TSHZ3: variants seen among roughly 807,000 people sequenced by gnomAD.
TSHZ3 encodes teashirt zinc finger homeobox 3, also known as teashirt homolog 3.
TSHZ3 carries 10 observed loss-of-function variants against 64.5 expected under a neutral mutation model. The ratio of observed to expected loss-of-function variants is 0.16; its 90% CI spans 0.10 to 0.26. The LOEUF (loss-of-function observed/expected upper bound fraction) is 0.26, where lower values mean the gene tolerates loss of function less well. Ranked by LOEUF, TSHZ3 falls within the 10% of genes least tolerant of loss-of-function variation. TSHZ3 has a pLI of 1.00. For missense variants in TSHZ3, 1,242 were observed against 1,421.7 expected, an observed-to-expected ratio of 0.87 and a Z score of 2.03; for synonymous variants, 608 against 593.1, an observed-to-expected ratio of 1.03 and a Z score of -0.36.
At chr19:31,282,829 T>C (rs1374021275) in intron 1 of TSHZ3, among the ~76,000 whole-genome samples, 1 of 152,210 alleles carries the variant, frequency 6.6e-6, no homozygotes, top group Admixed American at 6.5e-5. Context: ...CAAGCAGAAC[T>C]GGGTCCTGGA....
chr19:31,206,861 A>G (rs1272389802), intron 4 of TSHZ3, among the ~76,000 whole-genome samples: 7 of 152,214 alleles, frequency 4.6e-5, no homozygotes, highest in African/African-American at 1.4e-4. Flanking sequence ...ATTGAATTCC[A>G]GGGGCCTGAA....
chr19:31,198,254 A>G (rs1165642507), intron 5 of TSHZ3, among the ~76,000 whole-genome samples: 1 of 152,148 alleles, frequency 6.6e-6, no homozygotes, highest in Admixed American at 6.5e-5. Context: ...AACATCACTT[A>G]TGATAAAAAC....
At chr19:31,179,770 G>T (rs1045487264) in intron 5 of TSHZ3, among the ~76,000 whole-genome samples, 2 of 150,552 alleles carry the variant, frequency 1.3e-5, no homozygotes, top group African/African-American at 2.4e-5. Context: ...GATGGTGGGG[G>T]TGATGATAAT....
At chr19:31,228,351 C>T (rs79518315) in intron 3 of TSHZ3, among the ~76,000 whole-genome samples, 2,591 of 151,890 alleles carry the variant, frequency 0.017, 72 homozygotes, top group African/African-American at 0.058. Context: ...CATAGTGAAA[C>T]CCTATGTCTA....
chr19:31,259,989 T>C (rs1975964525), intron 1 of TSHZ3, among the ~76,000 whole-genome samples: 1 of 152,118 alleles, frequency 6.6e-6, no homozygotes, highest in Admixed American at 6.5e-5. Flanking sequence ...CAACTTGACT[T>C]TTCATCACTA....
intron 1 of TSHZ3, among the ~76,000 whole-genome samples, chr19:31,256,577 T>C (rs1041458282): frequency 6.6e-5 from 10 of 152,040 alleles, no homozygotes; most frequent in African/African-American, 2.4e-4. Flanking sequence ...ATGTACAGAG[T>C]ATGTTCATTC....
At chr19:31,158,270 G>A (rs1301540306) in intron 5 of TSHZ3, among the ~76,000 whole-genome samples, 1 of 152,088 alleles carries the variant, frequency 6.6e-6, no homozygotes, top group East Asian at 1.9e-4. Context: ...AAGGACAATA[G>A]AGAAAAAAAT....
chr19:31,253,447 G>A (rs563495860), intron 1 of TSHZ3, among the ~76,000 whole-genome samples: 3 of 152,308 alleles, frequency 2.0e-5, no homozygotes, highest in South Asian at 4.1e-4. Context: ...TCAACTGTGT[G>A]CCCCTCCACA....
chr19:31,196,043 G>T (rs1974987279), intron 5 of TSHZ3, among the ~76,000 whole-genome samples: 1 of 151,722 alleles, frequency 6.6e-6, no homozygotes, highest in Non-Finnish European at 1.5e-5. Flanking sequence ...ATAATATTAT[G>T]GTTGACCAAA....
chr19:31,230,016 T>C (rs1276732592), intron 3 of TSHZ3, among the ~76,000 whole-genome samples: 10 of 152,192 alleles, frequency 6.6e-5, no homozygotes, highest in African/African-American at 2.2e-4. Context: ...ATATGTGTAG[T>C]TCATTTACCC....
At chr19:31,204,071 T>C (rs757277507) in intron 5 of TSHZ3, among the ~76,000 whole-genome samples, 1 of 151,972 alleles carries the variant, frequency 6.6e-6, no homozygotes, top group Non-Finnish European at 1.5e-5. Context: ...CACAAAACCG[T>C]CAGATCTCCT....
chr19:31,183,965 A>T (rs1396258288), intron 5 of TSHZ3, among the ~76,000 whole-genome samples: 1 of 152,184 alleles, frequency 6.6e-6, no homozygotes, highest in African/African-American at 2.4e-5. Flanking sequence ...TCTCCCCGGC[A>T]TTCCTTAACC....
At chr19:31,336,282 C>A (rs1917239478) in intron 1 of TSHZ3, among the ~76,000 whole-genome samples, 2 of 152,112 alleles carry the variant, frequency 1.3e-5, no homozygotes, top group South Asian at 4.2e-4. Context: ...TGAACTATGA[C>A]AATTTTTTTT....
intron 1 of TSHZ3, among the ~76,000 whole-genome samples, chr19:31,250,213 A>G (rs1975819155): frequency 2.0e-5 from 3 of 152,176 alleles, no homozygotes. Context: ...TCACCCCTAT[A>G]CCTGCAAGCA....
chr19:31,158,969 C>T (rs986133103), intron 5 of TSHZ3, among the ~76,000 whole-genome samples: 2 of 152,162 alleles, frequency 1.3e-5, no homozygotes, highest in Non-Finnish European at 2.9e-5. Context: ...GCACCACTCT[C>T]GCTTTCTCTT....
intron 1 of TSHZ3, among the ~76,000 whole-genome samples, chr19:31,254,677 G>C (rs553212527): frequency 8.1e-4 from 124 of 152,310 alleles, no homozygotes; most frequent in African/African-American, 2.9e-3. Flanking sequence ...TCAAGTTCTA[G>C]TTCTTGCCCT....
intron 5 of TSHZ3, among the ~76,000 whole-genome samples, chr19:31,165,917 GTCT>G (rs771037627): frequency 4.8e-4 from 73 of 152,312 alleles, no homozygotes; most frequent in Admixed American, 7.8e-4. Context: ...AAGTGGGCTG[GTCT>G]TCTTATTTAA....
At chr19:31,244,009 T>C (rs979758363) in intron 1 of TSHZ3, among the ~76,000 whole-genome samples, 1 of 152,210 alleles carries the variant, frequency 6.6e-6, no homozygotes, top group Non-Finnish European at 1.5e-5. Flanking sequence ...GCCTGGGATT[T>C]CTCTCCATTT....
chr19:31,247,166 C>T (rs766058100), intron 1 of TSHZ3, among the ~76,000 whole-genome samples: 8 of 152,086 alleles, frequency 5.3e-5, no homozygotes, highest in Non-Finnish European at 1.0e-4. Context: ...GAATCGTCAA[C>T]GGATATTAAA....
Sources: allele counts gnomAD v4.1 joint callset (sites outside exome capture counted in the v4.1 genomes callset), GRCh38; gene constraint gnomAD v4.1.1; transcripts MANE v1.5; gene names NCBI Gene and HGNC (gene_info 2026-07-23, HGNC 2026-07-21).